TCEA3: variants seen among roughly 807,000 people sequenced by gnomAD.
TCEA3 encodes transcription elongation factor A protein 3.
TCEA3 carries 36 observed loss-of-function variants against 44.0 expected under a neutral mutation model. The ratio of observed to expected loss-of-function variants is 0.82; its 90% CI spans 0.63 to 1.08. The LOEUF (loss-of-function observed/expected upper bound fraction) is 1.08, where lower values mean the gene tolerates loss of function less well. Among genes scored for constraint, TCEA3 ranks in the 50% least tolerant of loss-of-function variants. TCEA3 has a pLI of 0.00. For synonymous variants in TCEA3, 162 were observed against 159.7 expected (o/e 1.01, Z -0.11); for missense variants, 392 against 441.2 (o/e 0.89, Z 1.00).
At chr1:23,422,171 G>T (rs1640084569) in intron 1 of TCEA3, among the ~76,000 whole-genome samples, 1 of 152,214 alleles carries the variant, frequency 6.6e-6, no homozygotes, top group Non-Finnish European at 1.5e-5. Flanking sequence ...CTGTAGCATT[G>T]CATGTCTGGG....
intron 5 of TCEA3, among the ~76,000 whole-genome samples, chr1:23,408,108 C>T (rs1639598148): frequency 6.6e-6 from 1 of 151,998 alleles, no homozygotes; most frequent in South Asian, 2.1e-4. Context: ...ATTACAGGTG[C>T]CCACCACCAT....
chr1:23,412,184 TAC>T (rs1639730106), intron 4 of TCEA3: 1 of 152,222 alleles, frequency 6.6e-6, no homozygotes, highest in African/African-American at 2.4e-5. Flanking sequence ...CATTGTTTGC[TAC>T]AGTCTCATTT....
At chr1:23,386,891 T>C (rs758205077) in intron 9 of TCEA3, among the ~76,000 whole-genome samples, 1 of 152,208 alleles carries the variant, frequency 6.6e-6, no homozygotes, top group Admixed American at 6.5e-5. Context: ...CTGCTAATTT[T>C]TTGAATTTTT....
chr1:23,422,507 T>G (rs1274711371), intron 1 of TCEA3, among the ~76,000 whole-genome samples: 1 of 152,156 alleles, frequency 6.6e-6, no homozygotes. Flanking sequence ...AGCTGCAACG[T>G]GGAGGATCCG....
intron 8 of TCEA3, among the ~76,000 whole-genome samples, chr1:23,393,646 G>A (rs1022601932): frequency 1.3e-5 from 2 of 152,200 alleles, no homozygotes; most frequent in African/African-American, 4.8e-5. Flanking sequence ...TATCTCAGTT[G>A]GTGTGAACAT....
chr1:23,408,497 G>T, intron 5 of TCEA3, 167 bp downstream of exon 5: 1 of 629,568 alleles, frequency 1.6e-6, no homozygotes, highest in Non-Finnish European at 2.7e-6. Flanking sequence ...GTCCCCCAGG[G>T]CTGAAATGTG....
At chr1:23,411,122 A>G (rs1375385950) in intron 4 of TCEA3, 2 of 187,952 alleles carry the variant, frequency 1.1e-5, no homozygotes, top group Admixed American at 9.8e-5. Flanking sequence ...GAGATGTGGC[A>G]CATCAGTGAA....
chr1:23,424,593 A>G lies in TCEA3; in HGVS notation c.41T>C (p.Leu14Pro). The G allele has an allele frequency of 6.2e-7, 1 of 1,608,300 alleles. No homozygotes were observed. Reference sequence around the variant, plus strand: ...GTTCTTCCTGGCCACCATCTTCTCCAGCTTTTTGGCGATCCTCAGCAGCTC... The same window carrying G: ...GTTCTTCCTGGCCACCATCTTCTCCGGCTTTTTGGCGATCCTCAGCAGCTC... ...EEELLRIAKK[L>P]EKMVARKNTE... Residue 14 changes from leucine to proline, a missense_variant, in exon 1 of 11, where the codon CTG (leucine) becomes CCG (proline). By Grantham distance (98) the Leu-to-Pro change is moderately conservative. Transcript: ENST00000450454.
At chr1:23,392,412 G>A (rs61777149) in intron 8 of TCEA3, among the ~76,000 whole-genome samples, 664 of 6,162 alleles carry the variant, frequency 0.11, 1 homozygote, top group Middle Eastern at 0.17. Context: ...ACATCATCAT[G>A]CACAATACAC....
chr1:23,384,492 A>G, intron 9 of TCEA3, 75 bp from the exon 10 acceptor site: 1 of 1,499,432 alleles, frequency 6.7e-7, no homozygotes, highest in Non-Finnish European at 9.1e-7. Flanking sequence ...TGTCTTTAGG[A>G]GTAGGTCCAA....
intron 4 of TCEA3, among the ~76,000 whole-genome samples, chr1:23,413,986 G>GTA (rs33960365): frequency 0.53 from 74,567 of 140,756 alleles, 21,623 homozygotes; most frequent in Non-Finnish European, 0.65. Flanking sequence ...CTAGCAGGAT[G>GTA]TATATATATA....
chr1:23,386,358 G>A (rs1342332510), intron 9 of TCEA3, among the ~76,000 whole-genome samples: 3 of 151,538 alleles, frequency 2.0e-5, no homozygotes, highest in Non-Finnish European at 2.9e-5. Context: ...CATTTCCCCC[G>A]CATCCAGTAG....
At chr1:23,400,042 A>G (rs1426751207) in intron 5 of TCEA3, among the ~76,000 whole-genome samples, 1 of 152,208 alleles carries the variant, frequency 6.6e-6, no homozygotes, top group Non-Finnish European at 1.5e-5. Context: ...GGCAATGTCA[A>G]AGGGCTCAAT....
intron 8 of TCEA3, among the ~76,000 whole-genome samples, chr1:23,392,886 TG>T (rs1314994894): frequency 3.9e-5 from 6 of 152,196 alleles, no homozygotes; most frequent in African/African-American, 1.2e-4. Flanking sequence ...ATGGACAGGG[TG>T]GGGGATGGTT....
At chr1:23,384,033 T>G in intron 10 of TCEA3, 1 of 1,204,318 alleles carries the variant, frequency 8.3e-7, no homozygotes, top group Non-Finnish European at 1.0e-6. Flanking sequence ...AGAATGTTTT[T>G]CCTCTCCTCT....
chr1:23,381,568 G>T, intron 10 of TCEA3, 94 bp from the exon 11 acceptor site: 1 of 773,666 alleles, frequency 1.3e-6, no homozygotes, highest in South Asian at 1.4e-5. Flanking sequence ...GGTGTCTGGA[G>T]CCACACAGAC....
chr1:23,412,639 C>T (rs1169303592), intron 4 of TCEA3, among the ~76,000 whole-genome samples: 7 of 149,416 alleles, frequency 4.7e-5, no homozygotes, highest in African/African-American at 1.7e-4. Context: ...ACCTGGGAGG[C>T]GGAGGTTGCT....
At chr1:23,382,357 C>T (rs1212176571) in intron 10 of TCEA3, among the ~76,000 whole-genome samples, 1 of 152,124 alleles carries the variant, frequency 6.6e-6, no homozygotes, top group African/African-American at 2.4e-5. Context: ...CCTATTTTTA[C>T]AGGTAAGGAA....
chr1:23,418,147 G>T, intron 2 of TCEA3, 138 bp from the exon 3 acceptor site: 1 of 795,746 alleles, frequency 1.3e-6, no homozygotes, highest in Non-Finnish European at 2.0e-6. Flanking sequence ...CTGACTCCTG[G>T]CTGAGGTCAG....
Sources: allele counts gnomAD v4.1 joint callset (sites outside exome capture counted in the v4.1 genomes callset), GRCh38; gene constraint gnomAD v4.1.1; transcripts MANE v1.5; gene names NCBI Gene and HGNC (gene_info 2026-07-23, HGNC 2026-07-21).